CSMD3: variants seen among roughly 807,000 people sequenced by gnomAD.
The protein encoded by CSMD3 is CUB and sushi domain-containing protein 3.
Under a neutral mutation model 435.2 loss-of-function variants are expected in CSMD3, and 177 were observed. The observed-to-expected ratio is 0.41, with a 90% CI of 0.36 to 0.46. CSMD3 has a LOEUF of 0.46. Ranked by LOEUF, CSMD3 falls within the 20% of genes least tolerant of loss-of-function variation. CSMD3 has a pLI of 0.34. For synonymous variants in CSMD3, 1,656 were observed against 1,520.5 expected (o/e 1.09, Z -2.07); for missense variants, 4,265 against 4,504.6 (o/e 0.95, Z 1.52).
intron 7 of CSMD3, among the ~76,000 whole-genome samples, chr8:112,959,566 C>T (rs980314667): frequency 5.9e-5 from 9 of 151,850 alleles, no homozygotes; most frequent in Admixed American, 3.9e-4. Flanking sequence ...TTCAAATGTA[C>T]AATAATGCCT....
At chr8:112,783,792 A>G (rs931204830) in intron 13 of CSMD3, among the ~76,000 whole-genome samples, 1 of 151,960 alleles carries the variant, frequency 6.6e-6, no homozygotes, top group African/African-American at 2.4e-5. Flanking sequence ...AGGAGTGGCT[A>G]TACTTATATC....
chr8:112,847,103 T>C (rs759366860), intron 11 of CSMD3, among the ~76,000 whole-genome samples: 1 of 152,132 alleles, frequency 6.6e-6, no homozygotes, highest in Non-Finnish European at 1.5e-5. Flanking sequence ...CTGGCTTTAA[T>C]TTCAGTTTAT....
intron 10 of CSMD3, among the ~76,000 whole-genome samples, chr8:112,875,628 T>C (rs191936927): frequency 1.1e-4 from 17 of 152,268 alleles, no homozygotes; most frequent in African/African-American, 3.6e-4. Flanking sequence ...TTTTCATTCT[T>C]TTTTTCTCTA....
intron 38 of CSMD3, among the ~76,000 whole-genome samples, chr8:112,359,010 C>A (rs933009304): frequency 1.3e-5 from 2 of 151,930 alleles, no homozygotes; most frequent in African/African-American, 4.8e-5. Context: ...TCATTGAAAG[C>A]CTTAACAAAA....
chr8:112,864,398 G>A (rs944806976), intron 10 of CSMD3, among the ~76,000 whole-genome samples: 2 of 151,750 alleles, frequency 1.3e-5, no homozygotes, highest in African/African-American at 4.8e-5. Flanking sequence ...ACAGGTGCCC[G>A]CCACCATGCC....
intron 45 of CSMD3, among the ~76,000 whole-genome samples, chr8:112,334,535 G>T (rs905229037): frequency 6.6e-6 from 1 of 152,092 alleles, no homozygotes; most frequent in Non-Finnish European, 1.5e-5. Flanking sequence ...AATACTCATG[G>T]AATTAGTCTG....
chr8:113,250,024 C>T (rs1323746803), intron 3 of CSMD3, among the ~76,000 whole-genome samples: 1 of 151,920 alleles, frequency 6.6e-6, no homozygotes, highest in African/African-American at 2.4e-5. Flanking sequence ...AATAAATAAA[C>T]AAATAAATAC....
At chr8:113,398,048 G>A (rs991054641) in intron 1 of CSMD3, among the ~76,000 whole-genome samples, 81 of 152,110 alleles carry the variant, frequency 5.3e-4, no homozygotes, top group African/African-American at 1.9e-3. Context: ...AGCAGTGTAG[G>A]TACATAGTGA....
At chr8:113,279,724 G>A (rs1563645067) in intron 2 of CSMD3, among the ~76,000 whole-genome samples, 1 of 151,392 alleles carries the variant, frequency 6.6e-6, no homozygotes, top group Non-Finnish European at 1.5e-5. Flanking sequence ...GAGGATTTGA[G>A]GTAACTTGTT....
intron 3 of CSMD3, among the ~76,000 whole-genome samples, chr8:113,197,838 ATC>A (rs1333623838): frequency 4.0e-5 from 6 of 151,264 alleles, no homozygotes; most frequent in African/African-American, 1.2e-4. Context: ...GTCTTTAATT[ATC>A]TGTTTATTAG....
At chr8:112,552,106 G>A (rs1827733895) in intron 26 of CSMD3, among the ~76,000 whole-genome samples, 1 of 151,968 alleles carries the variant, frequency 6.6e-6, no homozygotes, top group African/African-American at 2.4e-5. Context: ...TAGGGACAAG[G>A]ACAACAGGAA....
At chr8:112,699,411 C>G (rs184604228) in intron 13 of CSMD3, among the ~76,000 whole-genome samples, 9 of 152,048 alleles carry the variant, frequency 5.9e-5, no homozygotes, top group Non-Finnish European at 1.0e-4. Context: ...TAGAACCCAC[C>G]GGAAGGAACC....
In CSMD3 at chr8:112,318,114, G is replaced by A. The variant is rs531643541; in HGVS notation, c.7360+723C>T. Among the ~76,000 whole-genome samples the A allele has an allele frequency of 3.9e-5, 6 of 152,062 alleles. No homozygotes were observed. The East Asian group carries it at 5.8e-4, about 15-fold the overall frequency. On this transcript the variant is annotated intron_variant, in intron 47 of 70. Coordinates refer to ENST00000297405, the MANE Select transcript of CSMD3 (RefSeq NM_198123.2). The stretch of plus-strand genomic sequence containing the variant: ...AGCGAATCCTTGAAGTCCATGCCCT[G>A]TTGTTTTTCACTTCTCTATCTTTGC...
Position 112,295,716 on chromosome 8 carries a change from A to C in CSMD3, c.8614+117T>G, listed in dbSNP as rs1016258265. On this transcript the variant is annotated intron_variant, in intron 54 of 70. Transcript: ENST00000297405. ...TAGCAGTATCAAATTGGATTGTGGA[A>C]ATTTACTTTATATTGATATATATAA... The C allele has an allele frequency of 8.8e-5, 78 of 882,338 alleles. 1 individual carries two copies. Among genetic ancestry groups the C allele is most frequent in the Non-Finnish European group, 1.3e-4 (73 of 556,880 alleles). 54.7% of individuals were successfully genotyped at this position (882,338 alleles called of 1,614,324 possible). A position where few individuals can be genotyped will look rare whatever the true frequency, so the allele number is the denominator to read the frequency against.
intron 13 of CSMD3, among the ~76,000 whole-genome samples, chr8:112,786,458 A>G (rs2078540243): frequency 6.6e-6 from 1 of 152,138 alleles, no homozygotes; most frequent in South Asian, 2.1e-4. Context: ...GCTGTGGCAA[A>G]GGAGGCAGGG....
At chr8:113,387,711 G>A (rs899602168) in intron 1 of CSMD3, among the ~76,000 whole-genome samples, 1 of 151,218 alleles carries the variant, frequency 6.6e-6, no homozygotes. Context: ...AGGGGGATGA[G>A]GAACAAGAAG....
At chr8:112,973,580 T>A (rs981374617) in intron 7 of CSMD3, among the ~76,000 whole-genome samples, 1 of 151,942 alleles carries the variant, frequency 6.6e-6, no homozygotes, top group Non-Finnish European at 1.5e-5. Context: ...AAAATAATAC[T>A]AGTTAGATGT....
chr8:112,882,748 T>C (rs2081483123), intron 10 of CSMD3, among the ~76,000 whole-genome samples: 1 of 152,020 alleles, frequency 6.6e-6, no homozygotes, highest in African/African-American at 2.4e-5. Flanking sequence ...AGACACTGGA[T>C]GGCAAAAGAA....
chr8:112,593,364 G>C (rs1424740640), intron 22 of CSMD3, among the ~76,000 whole-genome samples: 4 of 152,168 alleles, frequency 2.6e-5, no homozygotes, highest in African/African-American at 9.7e-5. Context: ...TAAAGCAATG[G>C]AGGAAGAGGA....
Sources: gnomAD v4.1 joint callset for allele counts (sites outside exome capture counted in the v4.1 genomes callset) on GRCh38, gnomAD v4.1.1 for gene constraint, MANE v1.5 for transcripts, NCBI Gene and HGNC (gene_info 2026-07-23, HGNC 2026-07-21) for gene names.